TBC1D22A: variants seen among roughly 807,000 people sequenced by gnomAD.
TBC1D22A encodes the protein TBC1 domain family member 22A, also known as putative GTPase activator.
TBC1D22A carries 38 observed loss-of-function variants against 60.2 expected under a neutral mutation model. The ratio of observed to expected loss-of-function variants is 0.63; its 90% confidence interval spans 0.49 to 0.83. The LOEUF (loss-of-function observed/expected upper bound fraction) is 0.83. Among genes scored for constraint, TBC1D22A ranks in the 40% least tolerant of loss-of-function variants. The probability of loss-of-function intolerance (pLI) is 0.00; values close to 1 mark genes in which losing one functional copy is unlikely to be tolerated. For missense variants in TBC1D22A, 628 were observed against 701.0 expected (o/e 0.90, Z 1.18); for synonymous variants, 302 against 281.7 (o/e 1.07, Z -0.72).
intron 9 of TBC1D22A, among the ~76,000 whole-genome samples, chr22:46,987,405 C>T (rs2074768883): frequency 3.3e-5 from 5 of 152,000 alleles, no homozygotes; most frequent in South Asian, 2.1e-4. Context: ...TTTCTGTACA[C>T]GATGATGTTA....
chr22:47,165,151 C>T (rs888522806), intron 12 of TBC1D22A, among the ~76,000 whole-genome samples: 3 of 152,112 alleles, frequency 2.0e-5, no homozygotes, highest in African/African-American at 4.8e-5. Flanking sequence ...GTGTGGCCGT[C>T]GTCCCCTGTG....
intron 4 of TBC1D22A, among the ~76,000 whole-genome samples, chr22:46,828,423 CGAGATGTTTGTCACTGT>C (rs890754702): frequency 5.3e-5 from 8 of 152,238 alleles, no homozygotes; most frequent in Non-Finnish European, 1.0e-4. Flanking sequence ...TGGGCCACTG[CGAGATGTTTGTCACTGT>C]GAGATGTTTG....
chr22:46,762,806 G>C lies in TBC1D22A; in HGVS notation c.20G>C (p.Arg7Thr). Reference protein sequence around the residue: MASDGARKQFWKRSNSK... With the variant: MASDGATKQFWKRSNSK... ...GGGGCCATGGCCAGCGACGGGGCCA[G>C]GAAGCAATTCTGGAAGCGCAGCAAC... Residue 7 changes from arginine to threonine, a missense_variant, in exon 1 of 13, where the codon AGG (arginine) becomes ACG (threonine). Arg to Thr is a moderately conservative substitution (Grantham distance 71). Transcript: ENST00000337137. 6.9e-7 allele frequency: 1 copy of C among 1,456,302 alleles called. No individual in the cohort carries two copies. The highest frequency in any genetic ancestry group is 1.4e-5 in the South Asian group (1 of 69,376). 90.2% of individuals were successfully genotyped at this position (1,456,302 alleles called of 1,614,324 possible).
At chr22:46,996,141 G>T (rs1246077380) in intron 9 of TBC1D22A, among the ~76,000 whole-genome samples, 1 of 152,240 alleles carries the variant, frequency 6.6e-6, no homozygotes, top group African/African-American at 2.4e-5. Flanking sequence ...GATGCTGCCT[G>T]CTACGAGCCA....
chr22:47,108,986 C>T (rs2065744577), intron 11 of TBC1D22A, among the ~76,000 whole-genome samples: 1 of 152,232 alleles, frequency 6.6e-6, no homozygotes, highest in African/African-American at 2.4e-5. Context: ...TGAGCCACTG[C>T]ACCCGGCCTG....
intron 8 of TBC1D22A, among the ~76,000 whole-genome samples, chr22:46,916,655 C>T (rs566862455): frequency 6.6e-6 from 1 of 152,346 alleles, no homozygotes; most frequent in African/African-American, 2.4e-5. Context: ...CTGTAATCAA[C>T]CTTTGTTTGA....
At chr22:46,962,399 C>T (rs1403983363) in intron 8 of TBC1D22A, among the ~76,000 whole-genome samples, 1 of 152,148 alleles carries the variant, frequency 6.6e-6, no homozygotes, top group East Asian at 1.9e-4. Flanking sequence ...GATCTTAGGC[C>T]CTGCTGGCTG....
chr22:47,031,800 C>T (rs1047322969), intron 10 of TBC1D22A, among the ~76,000 whole-genome samples: 7 of 152,080 alleles, frequency 4.6e-5, no homozygotes, highest in Non-Finnish European at 8.8e-5. Context: ...AGTGGGAGTT[C>T]GGTGCAGGTT....
chr22:46,972,714 G>T (rs150352230), intron 8 of TBC1D22A, among the ~76,000 whole-genome samples: 1 of 152,162 alleles, frequency 6.6e-6, no homozygotes, highest in Non-Finnish European at 1.5e-5. Context: ...TAGCGGTGAC[G>T]CTTGTGACCC....
At position 47,059,809 on chromosome 22, in the gene TBC1D22A, A is replaced by G. The variant is rs193260314; in HGVS notation, c.1329+22611A>G. On this transcript the variant is annotated intron_variant, in intron 11 of 12. Coordinates refer to ENST00000337137, the MANE Select transcript of TBC1D22A (RefSeq NM_014346.5). ...ACTTTACGGTAACAGCAGGGATCTT[A>G]TGATTATTACTAAAGATGGTTTTGG... 9.6e-4 allele frequency among the ~76,000 whole-genome samples: 146 copies of G among 152,218 alleles called. 1 individual carries two copies. Among genetic ancestry groups the G allele is most frequent in the Middle Eastern group, 3.4e-3 (1 of 294 alleles).
At chr22:46,897,640 G>GTTTTTTTGTTTTTTTTTTTT (rs1569189469) in intron 7 of TBC1D22A, among the ~76,000 whole-genome samples, 3 of 108,380 alleles carry the variant, frequency 2.8e-5, no homozygotes, top group African/African-American at 1.3e-4. Flanking sequence ...GTTTCGTTTT[G>GTTTTTTTGTTTTTTTTTTTT]TTTTTTTTTG....
At chr22:46,824,378 C>T (rs990095513) in intron 4 of TBC1D22A, among the ~76,000 whole-genome samples, 5 of 152,118 alleles carry the variant, frequency 3.3e-5, no homozygotes, top group African/African-American at 1.2e-4. Context: ...GGGCACATAA[C>T]CCTCTAAGGA....
chr22:47,165,290 A>G (rs1454081046), intron 12 of TBC1D22A, among the ~76,000 whole-genome samples: 1 of 152,120 alleles, frequency 6.6e-6, no homozygotes, highest in African/African-American at 2.4e-5. Flanking sequence ...GGCACCTGCG[A>G]AGGGCTCCTC....
intron 10 of TBC1D22A, among the ~76,000 whole-genome samples, chr22:47,029,138 G>A (rs894454908): frequency 8.4e-5 from 12 of 142,470 alleles, no homozygotes; most frequent in Non-Finnish European, 1.7e-4. Flanking sequence ...GAGAATCATG[G>A]GACGAAATCT....
At chr22:46,971,634 A>G (rs541033448) in intron 8 of TBC1D22A, among the ~76,000 whole-genome samples, 1 of 152,310 alleles carries the variant, frequency 6.6e-6, no homozygotes, top group South Asian at 2.1e-4. Flanking sequence ...CCAGTAGGAA[A>G]GGCGTTACGA....
chr22:46,902,022 C>G (rs747686454), intron 7 of TBC1D22A, among the ~76,000 whole-genome samples: 1 of 152,250 alleles, frequency 6.6e-6, no homozygotes, highest in Non-Finnish European at 1.5e-5. Flanking sequence ...TGAGCTCCCT[C>G]GTGTGCACTG....
At position 46,858,467 on chromosome 22, in the gene TBC1D22A, C is replaced by CG. The variant is rs571856129; in HGVS notation, c.638-20186_638-20185insG. On this transcript the variant is annotated intron_variant, in intron 4 of 12. Transcript: ENST00000337137. ...TTTGTTTCTTGTGGCAAACACCCCC[C>CG]CCAGCTCTGATCCATGTGTATCTCA... Among the ~76,000 whole-genome samples, 112 of 152,272 alleles carry CG rather than the reference C, an allele frequency of 7.4e-4. 1 individual carries two copies. Among genetic ancestry groups the CG allele is most frequent in the African/African-American group, 2.4e-3 (99 of 41,534 alleles).
chr22:46,958,626 G>C, intron 8 of TBC1D22A, among the ~76,000 whole-genome samples: 1 of 152,228 alleles, frequency 6.6e-6, no homozygotes, highest in Admixed American at 6.5e-5. Context: ...TCATGCATAA[G>C]CGTTTTGTAG....
At chr22:46,926,625 AGTAAAGCAG>A (rs2071064517) in intron 8 of TBC1D22A, among the ~76,000 whole-genome samples, 1 of 152,176 alleles carries the variant, frequency 6.6e-6, no homozygotes, top group Admixed American at 6.5e-5. Flanking sequence ...GTGGACTTTG[AGTAAAGCAG>A]GTTACCCTCC....
Sources: allele counts gnomAD v4.1 joint callset (sites outside exome capture counted in the v4.1 genomes callset), GRCh38; gene constraint gnomAD v4.1.1; transcripts MANE v1.5; gene names NCBI Gene and HGNC (gene_info 2026-07-23, HGNC 2026-07-21).